NRXN3: variants seen among roughly 807,000 people sequenced by gnomAD.
The protein encoded by NRXN3 is neurexin 3.
In NRXN3, 32 loss-of-function variants were observed where a neutral mutation model predicts 137.6. That is an observed-to-expected ratio of 0.23 (90% CI 0.18 to 0.31). The LOEUF (loss-of-function observed/expected upper bound fraction) is 0.31, where lower values mean the gene tolerates loss of function less well. Ranked by LOEUF, NRXN3 falls within the 10% of genes least tolerant of loss-of-function variation. The probability of loss-of-function intolerance (pLI) is 1.00; values close to 1 mark genes in which losing one functional copy is unlikely to be tolerated. For missense variants in NRXN3, 1,574 were observed against 2,062.5 expected, an observed-to-expected ratio of 0.76 and a Z score of 4.59; for synonymous variants, 798 against 784.5, an observed-to-expected ratio of 1.02 and a Z score of -0.29.
chr14:79,455,881 C>G (rs1036220532), intron 15 of NRXN3, among the ~76,000 whole-genome samples: 4 of 151,726 alleles, frequency 2.6e-5, no homozygotes, highest in African/African-American at 9.7e-5. Context: ...TTTTAATCAT[C>G]AAAAACCATC....
intron 10 of NRXN3, among the ~76,000 whole-genome samples, chr14:78,826,473 C>T (rs60589030): frequency 0.026 from 3,984 of 152,254 alleles, 77 homozygotes; most frequent in East Asian, 0.06. Context: ...AACATGCACA[C>T]GCATAAATTC....
intron 10 of NRXN3, among the ~76,000 whole-genome samples, chr14:78,816,190 G>T (rs2098932406): frequency 1.3e-5 from 2 of 151,942 alleles, no homozygotes; most frequent in Admixed American, 1.3e-4. Flanking sequence ...AATTCAGATT[G>T]GTTTATTTTA....
intron 4 of NRXN3, among the ~76,000 whole-genome samples, chr14:78,548,360 G>T (rs1055500561): frequency 1.3e-5 from 2 of 152,152 alleles, no homozygotes; most frequent in Non-Finnish European, 1.5e-5. Context: ...TTGAGCTATA[G>T]GTTGGATCAT....
intron 15 of NRXN3, among the ~76,000 whole-genome samples, chr14:79,115,198 G>A (rs565144918): frequency 2.7e-4 from 41 of 152,120 alleles, no homozygotes; most frequent in Middle Eastern, 3.4e-3. Context: ...GGTGGCACAT[G>A]CCTGTAATCC....
At chr14:78,616,360 C>G (rs1259350854) in intron 4 of NRXN3, among the ~76,000 whole-genome samples, 1 of 152,188 alleles carries the variant, frequency 6.6e-6, no homozygotes, top group Non-Finnish European at 1.5e-5. Context: ...TGCTCTCCCT[C>G]CCCTCCCAAA....
At chr14:79,585,689 A>C (rs1326526192) in intron 16 of NRXN3, among the ~76,000 whole-genome samples, 59 of 118,022 alleles carry the variant, frequency 5.0e-4, no homozygotes, top group African/African-American at 1.3e-3. Flanking sequence ...ATCTTAAAAA[A>C]AAAACAAAAA....
At chr14:79,731,478 C>T (rs927889921) in intron 19 of NRXN3, among the ~76,000 whole-genome samples, 2 of 152,176 alleles carry the variant, frequency 1.3e-5, no homozygotes, top group African/African-American at 4.8e-5. Flanking sequence ...AACATTCATT[C>T]CTTCCAGATA....
intron 3 of NRXN3, among the ~76,000 whole-genome samples, chr14:78,283,929 A>G (rs1381581557): frequency 2.6e-5 from 4 of 152,180 alleles, no homozygotes; most frequent in Non-Finnish European, 4.4e-5. Context: ...CTCTGTCTCT[A>G]TCATGGCACT....
intron 6 of NRXN3, among the ~76,000 whole-genome samples, chr14:78,681,623 G>A (rs1170607460): frequency 1.3e-5 from 2 of 152,126 alleles, no homozygotes; most frequent in African/African-American, 2.4e-5. Flanking sequence ...AGAGGGGAAT[G>A]GACTTGGTTT....
intron 10 of NRXN3, among the ~76,000 whole-genome samples, chr14:78,911,587 GCATTCC>G (rs2099237857): frequency 6.6e-6 from 1 of 152,174 alleles, no homozygotes; most frequent in Non-Finnish European, 1.5e-5. Flanking sequence ...AGGCAATGTG[GCATTCC>G]TGTAAAGCAC....
At chr14:78,650,307 G>A (rs1256548987) in intron 5 of NRXN3, among the ~76,000 whole-genome samples, 2 of 152,002 alleles carry the variant, frequency 1.3e-5, no homozygotes, top group African/African-American at 4.8e-5. Flanking sequence ...ATTTCTGCAT[G>A]GGTGTATCGG....
chr14:79,270,654 G>A (rs74067945), intron 15 of NRXN3, among the ~76,000 whole-genome samples: 8,606 of 152,198 alleles, frequency 0.057, 648 homozygotes, highest in African/African-American at 0.17. Context: ...ACAGAATGTG[G>A]CAAGTGTGAA....
At chr14:79,643,449 C>T (rs2098441341) in intron 16 of NRXN3, among the ~76,000 whole-genome samples, 1 of 134,834 alleles carries the variant, frequency 7.4e-6, no homozygotes, top group African/African-American at 2.5e-5. Flanking sequence ...GCTTCTTCCC[C>T]AGCTGCTCAG....
intron 15 of NRXN3, among the ~76,000 whole-genome samples, chr14:79,462,618 T>TAC (rs1555462359): frequency 2.0e-5 from 3 of 150,872 alleles, no homozygotes; most frequent in South Asian, 2.1e-4. Flanking sequence ...TATATATATA[T>TAC]ACACACACAT....
chr14:78,933,852 A>G (rs2099328440), intron 10 of NRXN3, among the ~76,000 whole-genome samples: 2 of 149,276 alleles, frequency 1.3e-5, no homozygotes, highest in South Asian at 4.3e-4. Context: ...AGACTGTATA[A>G]TAGATCTCTT....
chr14:79,190,999 A>T (rs1430523509), intron 15 of NRXN3, among the ~76,000 whole-genome samples: 1 of 152,190 alleles, frequency 6.6e-6, no homozygotes, highest in African/African-American at 2.4e-5. Context: ...TCCCATCTCC[A>T]CTAAGTCATG....
chr14:78,979,456 A>G (rs1053188363), intron 14 of NRXN3, among the ~76,000 whole-genome samples: 10 of 152,122 alleles, frequency 6.6e-5, no homozygotes, highest in African/African-American at 1.9e-4. Flanking sequence ...ATATACATAA[A>G]TCTATGTATA....
At chr14:79,338,210 T>C (rs2092389233) in intron 15 of NRXN3, among the ~76,000 whole-genome samples, 1 of 120,500 alleles carries the variant, frequency 8.3e-6, no homozygotes, top group Non-Finnish European at 1.7e-5. Context: ...TGTGTGTGTG[T>C]GTATGTGAGT....
Position 78,967,362 on chromosome 14 carries a change from C to G in NRXN3, c.2932C>G (p.Gln978Glu). The G allele has an allele frequency of 6.2e-7, 1 of 1,613,862 alleles. No individual in the cohort carries two copies. Among genetic ancestry groups the G allele is most frequent in the Non-Finnish European group, 8.5e-7 (1 of 1,179,872 alleles). Residue 978 changes from glutamine (Q) to glutamate (E), a missense_variant, in exon 13 of 21, where the codon CAG (glutamine) becomes GAG (glutamate). Physicochemically the swap from Gln to Glu is conservative, Grantham distance 29 (BLOSUM62 2). Coordinates refer to ENST00000335750, the MANE Select transcript of NRXN3 (RefSeq NM_001330195.2). ...SLKVDTKVVT[Q>E]VINGAKNLDL... ...GAAAGTGGACACCAAAGTGGTCACT[C>G]AGGTTATCAATGGTGCCAAAAATCT...
Sources: gnomAD v4.1 joint callset for allele counts (sites outside exome capture counted in the v4.1 genomes callset) on GRCh38, gnomAD v4.1.1 for gene constraint, MANE v1.5 for transcripts, NCBI Gene and HGNC (gene_info 2026-07-23, HGNC 2026-07-21) for gene names.